The following ZNF177 variants were observed in gnomAD, a reference collection of about 807,000 sequenced individuals.
ZNF177 encodes the protein zinc finger protein 177.
ZNF177 carries 17 observed loss-of-function variants against 19.4 expected under a neutral mutation model. The ratio of observed to expected loss-of-function variants is 0.87; its 90% CI spans 0.60 to 1.31. The LOEUF (loss-of-function observed/expected upper bound fraction) is 1.31. ZNF177 is among the 40% of genes most tolerant of loss of function. The pLI is 0.00. For synonymous variants in ZNF177, 220 were observed against 188.7 expected, an observed-to-expected ratio of 1.17 and a Z score of -1.36; for missense variants, 633 against 561.8, an observed-to-expected ratio of 1.13 and a Z score of -1.28.
chr19:9,363,672 A>G (rs2067937859), intron 1 of ZNF177, among the ~76,000 whole-genome samples: 1 of 152,182 alleles, frequency 6.6e-6, no homozygotes, highest in Non-Finnish European at 1.5e-5. Flanking sequence ...CCTCTATGGG[A>G]CTTGTGCTTT....
At chr19:9,382,391 T>C (rs2068215552), downstream of ZNF177, 6 of 398,748 alleles carry the variant, frequency 1.5e-5, no homozygotes, top group Admixed American at 4.4e-5. Flanking sequence ...CTAGAAAATA[T>C]ATACACCAAG....
chr19:9,379,970 GA>G lies in ZNF177; in HGVS notation c.254-83del, dbSNP rs1192999425. 6 of 1,457,528 alleles carry G rather than the reference GA, an allele frequency of 4.1e-6. No individual in the cohort carries two copies. The East Asian group carries it at 1.4e-4, about 35-fold the overall frequency. The allele number at this position is 1,457,528 out of a possible 1,614,324, so 90.3% of individuals were successfully genotyped here. On this transcript the variant is annotated intron_variant, in intron 4 of 5. Coordinates refer to ENST00000589262, the Ensembl canonical transcript of ZNF177. ...TTTCTCTACTTAGAAGATATTATTT[GA>G]AAACAAATCCATAGGGTCTCCCTCC...
exon 6 of ZNF177, chr19:9,381,258 G>C: frequency 6.2e-7 from 1 of 1,614,140 alleles, no homozygotes; most frequent in Non-Finnish European, 8.5e-7. Context: ...ATACTGGAGA[G>C]AAGCCTTATG....
At chr19:9,365,973 C>A (rs1459613217) in intron 2 of ZNF177, among the ~76,000 whole-genome samples, 1 of 152,088 alleles carries the variant, frequency 6.6e-6, no homozygotes, top group South Asian at 2.1e-4. Flanking sequence ...GGATTGATCT[C>A]CCAAGGGAGG....
chr19:9,366,490 A>ATG (rs2067981670), intron 2 of ZNF177, among the ~76,000 whole-genome samples: 1 of 152,016 alleles, frequency 6.6e-6, no homozygotes, highest in Admixed American at 6.5e-5. Flanking sequence ...TCCTGGGTTA[A>ATG]TGTGATCCAC....
At chr19:9,382,158 T>C (rs964546636) in exon 6 of ZNF177, 5 of 400,150 alleles carry the variant, frequency 1.2e-5, no homozygotes, top group Admixed American at 4.0e-5. Flanking sequence ...CTCCCTTCTT[T>C]CTTAAAGTAA....
At chr19:9,373,369 T>A (rs759554588), upstream of ZNF177, among the ~76,000 whole-genome samples, 29 of 152,252 alleles carry the variant, frequency 1.9e-4, no homozygotes, top group African/African-American at 2.2e-4. Context: ...ACACGTTGTT[T>A]CCATATAGCA....
chr19:9,372,915 A>G (rs1452447250), upstream of ZNF177, among the ~76,000 whole-genome samples: 4 of 152,168 alleles, frequency 2.6e-5, no homozygotes, highest in Admixed American at 1.3e-4. Flanking sequence ...TAAAAATTAT[A>G]TATGTTTAAG....
chr19:9,368,640 A>AC (rs1368629788), intron 2 of ZNF177, among the ~76,000 whole-genome samples: 1 of 152,004 alleles, frequency 6.6e-6, no homozygotes, highest in Non-Finnish European at 1.5e-5. Context: ...TATAAAGCTT[A>AC]TTTTTTTCCT....
At chr19:9,381,014 G>T in exon 6 of ZNF177, 1 of 1,585,728 alleles carries the variant, frequency 6.3e-7, no homozygotes. Context: ...ATACCTACTG[G>T]AGAGAAAGGT....
intron 1 of ZNF177, among the ~76,000 whole-genome samples, chr19:9,377,994 T>C (rs2068135829): frequency 6.6e-6 from 1 of 152,208 alleles, no homozygotes; most frequent in Non-Finnish European, 1.5e-5. Flanking sequence ...AGAGACAGTT[T>C]TGCACTTTAG....
exon 6 of ZNF177, chr19:9,380,684 G>A (rs745615162): frequency 1.6e-5 from 25 of 1,535,806 alleles, no homozygotes; most frequent in Non-Finnish European, 2.1e-5. Context: ...AATCAACCTG[G>A]TGAGCACTCC....
At position 9,381,808 on chromosome 19, in the gene ZNF177, A is replaced by G. The variant is rs770157847; in HGVS notation, c.*31A>G. ...CTCAGGGAAGTGTTTGTTGCCCCTC[A>G]TGCCTCCTTTCTCACTTTAGAACAT... is the stretch of plus-strand genomic sequence containing the variant. On this transcript the variant is annotated 3_prime_UTR_variant, in exon 6 of 6. Coordinates refer to ENST00000589262, the Ensembl canonical transcript of ZNF177. The G allele has an allele frequency of 1.9e-6, 3 of 1,557,012 alleles. No homozygotes were observed. The South Asian group carries it at 3.7e-5, about 19-fold the overall frequency.
chr19:9,379,223 C>T, intron 3 of ZNF177, 135 bp downstream of exon 5: 2 of 1,369,798 alleles, frequency 1.5e-6, no homozygotes, highest in Non-Finnish European at 1.9e-6. Context: ...CTTGAGGGGG[C>T]AGTCCAGTGG....
At chr19:9,366,188 G>A (rs2067977119) in intron 2 of ZNF177, among the ~76,000 whole-genome samples, 1 of 152,022 alleles carries the variant, frequency 6.6e-6, no homozygotes, top group South Asian at 2.1e-4. Context: ...TCACCATGTT[G>A]GCCAGAGTGG....
chr19:9,364,591 G>A (rs2067952133), intron 1 of ZNF177, among the ~76,000 whole-genome samples: 1 of 152,172 alleles, frequency 6.6e-6, no homozygotes, highest in African/African-American at 2.4e-5. Context: ...GCATGTGCCT[G>A]TCCAATTAGC....
exon 6 of ZNF177, chr19:9,381,814 C>T: frequency 6.4e-7 from 1 of 1,552,360 alleles, no homozygotes; most frequent in Non-Finnish European, 8.7e-7. Context: ...CCTCATGCCT[C>T]CTTTCTCACT....
chr19:9,376,573 G>T (rs982905614), intron 1 of ZNF177, 150 bp downstream of exon 3: 1 of 151,942 alleles, frequency 6.6e-6, no homozygotes, highest in Non-Finnish European at 1.5e-5. Flanking sequence ...CATAATATAG[G>T]TTCTTGCTTT....
intron 2 of ZNF177, among the ~76,000 whole-genome samples, chr19:9,368,137 T>C (rs2122495023): frequency 6.6e-6 from 1 of 152,312 alleles, no homozygotes; most frequent in African/African-American, 2.4e-5. Flanking sequence ...TAAAAGAATA[T>C]CTGGGCAGTG....
Sources: gnomAD v4.1 joint callset for allele counts (sites outside exome capture counted in the v4.1 genomes callset) on GRCh38, gnomAD v4.1.1 for gene constraint, MANE v1.5 for transcripts, NCBI Gene and HGNC (gene_info 2026-07-23, HGNC 2026-07-21) for gene names.